ZNF407: variants seen among roughly 807,000 people sequenced by gnomAD.
The protein encoded by ZNF407 is zinc finger protein 407.
Under a neutral mutation model 131.2 loss-of-function variants are expected in ZNF407, and 17 were observed. That is an observed-to-expected ratio of 0.13 (90% CI 0.09 to 0.19). The LOEUF (loss-of-function observed/expected upper bound fraction) is 0.19. Among genes scored for constraint, ZNF407 ranks in the 10% least tolerant of loss-of-function variants. The pLI, the probability that ZNF407 is intolerant of heterozygous loss-of-function variation, is 1.00. For missense variants in ZNF407, 2,681 were observed against 2,830.6 expected, an observed-to-expected ratio of 0.95 and a Z score of 1.20; for synonymous variants, 1,156 against 1,062.0, an observed-to-expected ratio of 1.09 and a Z score of -1.72.
chr18:74,639,321 ATCT>A (rs1984602965), intron 2 of ZNF407, among the ~76,000 whole-genome samples: 1 of 152,184 alleles, frequency 6.6e-6, no homozygotes, highest in Non-Finnish European at 1.5e-5. Context: ...GGAGAGGTTG[ATCT>A]TCTTTGTTTC....
intron 3 of ZNF407, among the ~76,000 whole-genome samples, chr18:74,771,159 T>C (rs966202935): frequency 5.3e-5 from 8 of 152,132 alleles, no homozygotes; most frequent in Admixed American, 2.0e-4. Context: ...GGTATAACAT[T>C]CAAGGGAATT....
chr18:74,625,213 G>T (rs1001907323), intron 1 of ZNF407, among the ~76,000 whole-genome samples: 3 of 152,158 alleles, frequency 2.0e-5, no homozygotes, highest in African/African-American at 7.2e-5. Context: ...TTTTGTTTTA[G>T]AATTCTTGGA....
At chr18:75,041,338 C>T (rs1225683043) in intron 8 of ZNF407, among the ~76,000 whole-genome samples, 2 of 152,178 alleles carry the variant, frequency 1.3e-5, no homozygotes, top group African/African-American at 4.8e-5. Flanking sequence ...AAGACACTAA[C>T]GACCATAGGA....
chr18:75,031,414 G>T (rs1973238531), intron 8 of ZNF407, among the ~76,000 whole-genome samples: 1 of 152,052 alleles, frequency 6.6e-6, no homozygotes, highest in African/African-American at 2.4e-5. Flanking sequence ...AGAGAAAATG[G>T]GTCTTTTTTT....
chr18:74,798,085 G>C (rs1045683830), intron 4 of ZNF407, among the ~76,000 whole-genome samples: 1 of 151,918 alleles, frequency 6.6e-6, no homozygotes. Context: ...AGCAATCTGT[G>C]TTCTTATTTT....
chr18:74,889,269 TAG>T (rs1971352513), intron 6 of ZNF407, among the ~76,000 whole-genome samples: 1 of 56,626 alleles, frequency 1.8e-5, no homozygotes, highest in Non-Finnish European at 3.7e-5. Flanking sequence ...AAGCACTGCG[TAG>T]CTGTGTCTGT....
intron 3 of ZNF407, among the ~76,000 whole-genome samples, chr18:74,685,198 CTA>C (rs1967068662): frequency 2.0e-5 from 3 of 151,758 alleles, no homozygotes. Flanking sequence ...TTTTAATTGT[CTA>C]TTTTTTTTCA....
intron 8 of ZNF407, among the ~76,000 whole-genome samples, chr18:74,974,091 A>G (rs1003006556): frequency 2.0e-5 from 3 of 152,210 alleles, no homozygotes; most frequent in African/African-American, 4.8e-5. Context: ...ATTCAGATGT[A>G]TATTCTGATA....
At chr18:74,738,043 A>C (rs1048178526) in intron 3 of ZNF407, among the ~76,000 whole-genome samples, 2 of 152,124 alleles carry the variant, frequency 1.3e-5, no homozygotes, top group African/African-American at 4.8e-5. Context: ...AGAAAAATGT[A>C]AGGAAGGATT....
intron 3 of ZNF407, among the ~76,000 whole-genome samples, chr18:74,723,223 A>G (rs1190483325): frequency 1.3e-5 from 2 of 152,182 alleles, no homozygotes; most frequent in South Asian, 4.1e-4. Context: ...TAACTTCATT[A>G]GCTATGATTA....
At chr18:74,912,381 T>C (rs1225379427) in intron 7 of ZNF407, among the ~76,000 whole-genome samples, 5 of 152,142 alleles carry the variant, frequency 3.3e-5, no homozygotes, top group African/African-American at 7.2e-5. Flanking sequence ...AAAAGAGCCA[T>C]GCAGAATGAT....
At chr18:74,767,805 C>T (rs996044359) in intron 3 of ZNF407, among the ~76,000 whole-genome samples, 4 of 149,144 alleles carry the variant, frequency 2.7e-5, no homozygotes, top group African/African-American at 7.4e-5. Flanking sequence ...AGGCGCCTGC[C>T]ACCACGCCTG....
intron 7 of ZNF407, among the ~76,000 whole-genome samples, chr18:74,902,240 C>G (rs559953706): frequency 9.8e-5 from 15 of 152,300 alleles, no homozygotes; most frequent in Admixed American, 5.9e-4. Context: ...CGTGCCTGGG[C>G]CGGGGCTCAC....
intron 3 of ZNF407, among the ~76,000 whole-genome samples, chr18:74,779,333 C>G (rs1485766643): frequency 6.6e-6 from 1 of 151,472 alleles, no homozygotes; most frequent in East Asian, 1.9e-4. Flanking sequence ...CCAGGATGGT[C>G]TCAATCTCCC....
chr18:74,786,965 C>T lies in ZNF407; in HGVS notation c.4877+5463C>T, dbSNP rs1969730353. Among the ~76,000 whole-genome samples, 3 of 151,642 alleles carry T rather than the reference C, an allele frequency of 2.0e-5. No individual in the cohort carries two copies. In the South Asian group the frequency reaches 6.3e-4, roughly 32 times the overall value. On this transcript the variant is annotated intron_variant, in intron 4 of 8. Transcript: ENST00000299687. The stretch of plus-strand genomic sequence containing the variant: ...GGATTACATGCACCCGCCACCACAC[C>T]CGGCTCACTTTTTTTGTTTTTAGTA...
At chr18:75,035,486 C>G (rs1360684723) in intron 8 of ZNF407, among the ~76,000 whole-genome samples, 7 of 152,146 alleles carry the variant, frequency 4.6e-5, no homozygotes, top group Non-Finnish European at 1.0e-4. Flanking sequence ...AGGTAGATAC[C>G]AATAGAATGG....
chr18:75,063,381 C>G lies in ZNF407; in HGVS notation c.5660C>G (p.Ala1887Gly), dbSNP rs1341898667. The change falls in exon 9 of 9, where the codon GCC becomes GGC. Residue 1887 changes from alanine (A) to glycine (G), a missense_variant. Coordinates refer to ENST00000299687, the MANE Select transcript of ZNF407 (RefSeq NM_017757.3). The surrounding 1 kb of genome is among the most constrained non-coding windows in gnomAD (Gnocchi z 6.6). ...ALDPSVEETA[A>G]ATLQTLAMAG... Reference sequence around the variant, plus strand: ...GACCCCTCGGTGGAGGAGACGGCCGCCGCCACGCTGCAGACGCTGGCCATG... The same window carrying G: ...GACCCCTCGGTGGAGGAGACGGCCGGCGCCACGCTGCAGACGCTGGCCATG... 3.7e-6 allele frequency: 6 copies of G among 1,611,088 alleles called. No individual in the cohort carries two copies. In the South Asian group the frequency reaches 6.6e-5, roughly 18 times the overall value.
intron 3 of ZNF407, among the ~76,000 whole-genome samples, chr18:74,670,019 A>G (rs923267239): frequency 3.9e-5 from 6 of 152,214 alleles, no homozygotes; most frequent in African/African-American, 1.4e-4. Context: ...CTTCTCCCAC[A>G]GCCTAATTTC....
chr18:74,620,198 A>T (rs1983459445), intron 1 of ZNF407, among the ~76,000 whole-genome samples: 2 of 152,228 alleles, frequency 1.3e-5, no homozygotes, highest in African/African-American at 4.8e-5. Context: ...AGTTAATTTT[A>T]TTACTGGATC....
Sources: gnomAD v4.1 joint callset for allele counts (sites outside exome capture counted in the v4.1 genomes callset) on GRCh38, gnomAD v4.1.1 for gene constraint, Gnocchi (gnomAD v3.1) non-coding constraint, MANE v1.5 for transcripts, NCBI Gene and HGNC (gene_info 2026-07-23, HGNC 2026-07-21) for gene names.